The following CPSF4L variants were observed in gnomAD, a reference collection of about 807,000 sequenced individuals.
CPSF4L encodes the protein cleavage and polyadenylation specific factor 4 like.
CPSF4L carries 18 observed loss-of-function variants against 24.0 expected under a neutral mutation model. The ratio of observed to expected loss-of-function variants is 0.75; its 90% confidence interval spans 0.52 to 1.11. The LOEUF (loss-of-function observed/expected upper bound fraction) is 1.11, where lower values mean the gene tolerates loss of function less well. CPSF4L is among the 50% of genes least tolerant of loss of function. The probability of loss-of-function intolerance (pLI) is 0.00; values close to 1 mark genes in which losing one functional copy is unlikely to be tolerated. For missense variants in CPSF4L, 211 were observed against 221.8 expected, an observed-to-expected ratio of 0.95 and a Z score of 0.31; for synonymous variants, 72 against 77.2, an observed-to-expected ratio of 0.93 and a Z score of 0.35.
At chr17:73,246,577 G>A (rs757525764), downstream of CPSF4L, among the ~76,000 whole-genome samples, 2 of 152,200 alleles carry the variant, frequency 1.3e-5, no homozygotes, top group Non-Finnish European at 2.9e-5. Flanking sequence ...CAGCCAGCAT[G>A]TGTTGACTTG....
At chr17:73,246,348 G>A (rs1050497443), downstream of CPSF4L, among the ~76,000 whole-genome samples, 1 of 152,038 alleles carries the variant, frequency 6.6e-6, no homozygotes, top group African/African-American at 2.4e-5. Flanking sequence ...CCTGTGCAAT[G>A]TGGTGAAATC....
chr17:73,252,174 G>A (rs547930623), intron 5 of CPSF4L, among the ~76,000 whole-genome samples: 1 of 152,354 alleles, frequency 6.6e-6, no homozygotes. Context: ...CTCGGGTTGA[G>A]TAAAAGATTC....
At chr17:73,248,777 GAAT>G in intron 5 of CPSF4L, 1 of 456,878 alleles carries the variant, frequency 2.2e-6, no homozygotes, top group Non-Finnish European at 3.9e-6. Flanking sequence ...GTTTAATCCT[GAAT>G]AATATCTGAA....
At chr17:73,261,584 C>T (rs577287595) in intron 1 of CPSF4L, 132 bp downstream of exon 1, 462 of 670,296 alleles carry the variant, frequency 6.9e-4, no homozygotes, top group Non-Finnish European at 1.0e-3. Flanking sequence ...TGGCGTGAAC[C>T]CAGGAGGCAG....
At chr17:73,248,267 G>C (rs1261229206), downstream of CPSF4L, 1 of 526,544 alleles carries the variant, frequency 1.9e-6, no homozygotes. Context: ...TAGTAGACAA[G>C]TAAGACTGCT....
In CPSF4L at chr17:73,248,555, T is replaced by C. The variant is rs769455925; in HGVS notation, c.498-19A>G. Reference sequence around the variant, plus strand: ...AATCTTCCTGCAAGGTGCATACAAATGCAGCGTGAGAATCCATACACGTAA... The same window carrying C: ...AATCTTCCTGCAAGGTGCATACAAACGCAGCGTGAGAATCCATACACGTAA... On this transcript the variant is annotated intron_variant, in intron 5 of 5. Transcript: ENST00000344935. 7.2e-5 allele frequency: 111 copies of C among 1,551,400 alleles called. No individual in the cohort carries two copies. Among genetic ancestry groups the C allele is most frequent in the Non-Finnish European group, 7.8e-5 (90 of 1,146,884 alleles).
chr17:73,255,217 A>T (rs2062020235), intron 3 of CPSF4L, among the ~76,000 whole-genome samples: 1 of 152,024 alleles, frequency 6.6e-6, no homozygotes, highest in Admixed American at 6.5e-5. Flanking sequence ...AAGTACCCCT[A>T]GGCCAGGCAC....
At chr17:73,248,329 C>G, downstream of CPSF4L, 1 of 669,832 alleles carries the variant, frequency 1.5e-6, no homozygotes, top group Non-Finnish European at 2.6e-6. Context: ...CTACTCATCT[C>G]TTCACAGAGC....
downstream of CPSF4L, chr17:73,248,200 G>A (rs748974766): frequency 5.1e-6 from 2 of 392,592 alleles, no homozygotes; most frequent in Non-Finnish European, 4.7e-6. Context: ...TTCCAATCAT[G>A]TATGTGATCA....
At chr17:73,249,962 A>G (rs897015722) in intron 5 of CPSF4L, 1 of 313,888 alleles carries the variant, frequency 3.2e-6, no homozygotes. Flanking sequence ...TGAGCAAAGT[A>G]TAATGATCGT....
At chr17:73,243,093 T>TTTTGTTTTTTTTTTGTTTTTTTTTTG in the CPSF4L span, 4 of 991,216 alleles carry the variant, frequency 4.0e-6, no homozygotes, top group African/African-American at 6.8e-5. Context: ...TTTTTTTTTT[T>TTTTGTTTTTTTTTTGTTTTTTTTTTG]TTTTTTTTAC....
chr17:73,251,562 T>G (rs182611008), intron 5 of CPSF4L, among the ~76,000 whole-genome samples: 1 of 152,350 alleles, frequency 6.6e-6, no homozygotes, highest in East Asian at 1.9e-4. Context: ...CTCTGCAGGC[T>G]ACTGGGTCTC....
chr17:73,242,247 C>CT, the CPSF4L span: 53 of 1,577,696 alleles, frequency 3.4e-5, no homozygotes, highest in Non-Finnish European at 4.6e-5. Flanking sequence ...ACCATAGTTT[C>CT]TTTGTTGGAA....
upstream of CPSF4L, chr17:73,262,144 C>A: frequency 3.5e-6 from 1 of 286,504 alleles, no homozygotes; most frequent in Non-Finnish European, 6.7e-6. Context: ...ACAAACGTGG[C>A]GTGCACACAG....
intron 1 of CPSF4L, among the ~76,000 whole-genome samples, chr17:73,261,438 G>T (rs1181260618): frequency 6.6e-6 from 1 of 152,130 alleles, no homozygotes; most frequent in Non-Finnish European, 1.5e-5. Flanking sequence ...AAGGCGGGCG[G>T]ATCACGAGGT....
chr17:73,244,973 A>G (rs947234942), downstream of CPSF4L, among the ~76,000 whole-genome samples: 3 of 152,242 alleles, frequency 2.0e-5, no homozygotes, highest in Non-Finnish European at 4.4e-5. Context: ...AAGTTTTACC[A>G]GTCTGAAAGG....
At chr17:73,250,192 G>A (rs2061999167) in intron 5 of CPSF4L, 1 of 1,523,084 alleles carries the variant, frequency 6.6e-7, no homozygotes, top group Non-Finnish European at 8.9e-7. Context: ...TTGGGAAACA[G>A]AATCCCATAG....
chr17:73,252,790 A>C (rs1046031284), intron 4 of CPSF4L, 67 bp from the exon 5 acceptor site: 21 of 1,120,446 alleles, frequency 1.9e-5, no homozygotes, highest in Non-Finnish European at 2.7e-5. Flanking sequence ...CACATGAAAA[A>C]GCTCCCTAGG....
downstream of CPSF4L, among the ~76,000 whole-genome samples, chr17:73,243,998 A>C (rs2061899608): frequency 6.6e-6 from 1 of 152,232 alleles, no homozygotes; most frequent in Admixed American, 6.5e-5. Context: ...TACAGCTGTC[A>C]CTTACCAATG....
Sources: gnomAD v4.1 joint callset for allele counts (sites outside exome capture counted in the v4.1 genomes callset) on GRCh38, gnomAD v4.1.1 for gene constraint, MANE v1.5 for transcripts, NCBI Gene and HGNC (gene_info 2026-07-23, HGNC 2026-07-21) for gene names.